The following NME7 variants were observed in gnomAD, a reference collection of about 807,000 sequenced individuals.
The protein encoded by NME7 is nucleoside diphosphate kinase 7.
NME7 carries 41 observed loss-of-function variants against 49.1 expected under a neutral mutation model. The ratio of observed to expected loss-of-function variants is 0.83; its 90% confidence interval spans 0.65 to 1.08. The LOEUF is 1.08. Among genes scored for constraint, NME7 ranks in the 50% least tolerant of loss-of-function variants. The probability of loss-of-function intolerance (pLI) is 0.00; values close to 1 mark genes in which losing one functional copy is unlikely to be tolerated. For missense variants in NME7, 423 were observed against 463.4 expected (o/e 0.91, Z 0.80); for synonymous variants, 139 against 150.6 (o/e 0.92, Z 0.56).
rs1649223897 is a variant in NME7, at chr1:169,263,418, ATC to A, written c.754+23883_754+23884del. On this transcript the variant is annotated intron_variant, in intron 7 of 11. Transcript: ENST00000367811. ...GCTCATATAGAAAATAATACAACCA[ATC>A]TGATAGAGCTGAAAAACACACTACA... Among the ~76,000 whole-genome samples, 2 of 133,834 alleles carry A rather than the reference ATC, an allele frequency of 1.5e-5. 1 individual carries two copies. The highest frequency in any genetic ancestry group is 3.5e-5 in the Non-Finnish European group (2 of 56,952). 87.8% of individuals were successfully genotyped at this position (133,834 alleles called of 152,430 possible). A position where few individuals can be genotyped will look rare whatever the true frequency, so the allele number is the denominator to read the frequency against.
chr1:169,149,567 GAATTTATAAATTATGCACAGTT>G (rs1658851464), intron 11 of NME7, among the ~76,000 whole-genome samples: 1 of 151,998 alleles, frequency 6.6e-6, no homozygotes, highest in Non-Finnish European at 1.5e-5. Context: ...TGATAAAGTT[GAATTTATAAATTATGCACAGTT>G]AAGGGATCAA....
intron 1 of NME7, among the ~76,000 whole-genome samples, chr1:169,364,016 T>C (rs1384451548): frequency 6.6e-6 from 1 of 152,218 alleles, no homozygotes; most frequent in Non-Finnish European, 1.5e-5. Flanking sequence ...CTATTGAAAT[T>C]CTATTCCATT....
In NME7 at chr1:169,254,935, G is replaced by T. The variant is rs1178276983; in HGVS notation, c.755-17248C>A. 5.3e-5 allele frequency among the ~76,000 whole-genome samples: 7 copies of T among 131,946 alleles called. 1 individual carries two copies. Among genetic ancestry groups the T allele is most frequent in the Non-Finnish European group, 1.0e-4 (6 of 57,950 alleles). The allele number at this position is 131,946 out of a possible 152,430, so 86.6% of individuals were successfully genotyped here. On this transcript the variant is annotated intron_variant, in intron 7 of 11. Coordinates refer to ENST00000367811, the MANE Select transcript of NME7 (RefSeq NM_013330.5). ...TGCACTGTGGTGTGAGAGATAGTTT[G>T]TTATAATTTCTGTTCTTTTACATTT...
At chr1:169,206,111 C>A (rs1660667866) in intron 10 of NME7, among the ~76,000 whole-genome samples, 1 of 152,182 alleles carries the variant, frequency 6.6e-6, no homozygotes, top group South Asian at 2.1e-4. Flanking sequence ...CCCTCCCCTG[C>A]TTTATTTTCC....
chr1:169,244,041 A>G (rs1437286149), intron 7 of NME7, among the ~76,000 whole-genome samples: 1 of 152,126 alleles, frequency 6.6e-6, no homozygotes, highest in African/African-American at 2.4e-5. Context: ...TAATTTATGT[A>G]TATGCAAAAA....
chr1:169,235,148 C>T lies in NME7; in HGVS notation c.871G>A (p.Val291Ile), dbSNP rs1647806336. The change falls in exon 9 of 12, where the codon GTA (valine) becomes ATA (isoleucine). Residue 291 changes from valine to isoleucine, a missense_variant. Val to Ile is a conservative substitution (Grantham distance 29, BLOSUM62 3). Coordinates refer to ENST00000367811, the MANE Select transcript of NME7 (RefSeq NM_013330.5). The part of the protein sequence containing the change: ...VEEFYEVYKG[V>I]VTEYHDMVTE... ...ATACTTACATGATATTCGGTCACTACTCCTTTATAAACTTCATAGAATTCC... is the reference window on the plus strand; with the variant it reads ...ATACTTACATGATATTCGGTCACTATTCCTTTATAAACTTCATAGAATTCC... The T allele has an allele frequency of 1.3e-6, 2 of 1,531,198 alleles. No individual in the cohort carries two copies. The highest frequency in any genetic ancestry group is 9.0e-7 in the Non-Finnish European group (1 of 1,115,502). 94.9% of individuals were successfully genotyped at this position (1,531,198 alleles called of 1,614,324 possible). A position where few individuals can be genotyped will look rare whatever the true frequency, so the allele number is the denominator to read the frequency against.
chr1:169,288,688 A>T (rs889653310), intron 6 of NME7, among the ~76,000 whole-genome samples: 4 of 152,236 alleles, frequency 2.6e-5, no homozygotes, highest in African/African-American at 9.6e-5. Context: ...GTGGTAAGAC[A>T]CTAGAATAAA....
intron 1 of NME7, among the ~76,000 whole-genome samples, chr1:169,346,317 T>C (rs1050827091): frequency 6.6e-6 from 1 of 152,310 alleles, no homozygotes; most frequent in Admixed American, 6.5e-5. Flanking sequence ...CCTCCAGTGA[T>C]CCGTCTGACT....
At chr1:169,252,508 G>A (rs1158506462) in intron 7 of NME7, among the ~76,000 whole-genome samples, 1 of 151,756 alleles carries the variant, frequency 6.6e-6, no homozygotes, top group African/African-American at 2.4e-5. Flanking sequence ...CCATTTTGTA[G>A]GTTGCCTGTT....
intron 11 of NME7, among the ~76,000 whole-genome samples, chr1:169,148,490 GA>G (rs34089647): frequency 0.39 from 59,912 of 151,912 alleles, 12,149 homozygotes; most frequent in East Asian, 0.73. Context: ...GCCAAAGTGG[GA>G]GTAGCTGTAA....
intron 11 of NME7, among the ~76,000 whole-genome samples, chr1:169,145,310 C>G (rs1048866104): frequency 6.6e-6 from 1 of 152,136 alleles, no homozygotes; most frequent in Admixed American, 6.6e-5. Context: ...GAAGAATTAC[C>G]ATTCATTACA....
chr1:169,227,520 A>C (rs183812332), intron 10 of NME7, among the ~76,000 whole-genome samples: 11 of 152,350 alleles, frequency 7.2e-5, no homozygotes, highest in Admixed American at 5.9e-4. Flanking sequence ...TTCTGTAAGA[A>C]ATAACTAAGT....
intron 7 of NME7, among the ~76,000 whole-genome samples, chr1:169,256,164 A>T (rs1370297669): frequency 7.5e-6 from 1 of 133,364 alleles, no homozygotes; most frequent in Admixed American, 7.3e-5. Context: ...AGTGTTTTCC[A>T]ACTTGGTTCC....
intron 3 of NME7, among the ~76,000 whole-genome samples, chr1:169,321,731 T>C (rs904673097): frequency 9.9e-5 from 15 of 152,172 alleles, no homozygotes; most frequent in African/African-American, 3.6e-4. Flanking sequence ...AGAAAGACTA[T>C]GGAAGTCACA....
intron 10 of NME7, among the ~76,000 whole-genome samples, chr1:169,216,953 T>C (rs113368703): frequency 1.3e-5 from 2 of 152,318 alleles, no homozygotes; most frequent in South Asian, 2.1e-4. Context: ...CTCTTCAATG[T>C]CCTCACCACA....
intron 1 of NME7, among the ~76,000 whole-genome samples, chr1:169,363,808 C>T (rs1001386401): frequency 1.3e-5 from 2 of 152,178 alleles, no homozygotes; most frequent in African/African-American, 4.8e-5. Flanking sequence ...CACAGAGAGG[C>T]CTTCATTGAC....
At position 169,237,653 on chromosome 1, in the gene NME7, A is replaced by G. The variant is rs746244493; in HGVS notation, c.789T>C (p.Asp263=). ...LLGKILMAIR[D]AGFEISAMQM... is the part of the protein sequence containing the mutation. ...GCATAGCTGAGATTTCAAAACCTGC[A>G]TCTCGGATAGCCATCAGGATCTTTC... is the stretch of plus-strand genomic sequence containing the variant. Residue 263 remains aspartate (D), a synonymous_variant, in exon 8 of 12, where the codon GAT becomes GAC. Coordinates refer to ENST00000367811, the MANE Select transcript of NME7 (RefSeq NM_013330.5). The G allele has an allele frequency of 9.3e-6, 15 of 1,611,500 alleles. No homozygotes were observed. Among genetic ancestry groups the G allele is most frequent in the Non-Finnish European group, 1.1e-5 (13 of 1,178,238 alleles).
At chr1:169,322,985 G>A in intron 3 of NME7, 132 bp downstream of exon 3, 1 of 643,838 alleles carries the variant, frequency 1.6e-6, no homozygotes. Context: ...TTGAAAAAAA[G>A]AAAAAGAATG....
intron 10 of NME7, among the ~76,000 whole-genome samples, chr1:169,175,545 G>A (rs987105495): frequency 4.6e-5 from 7 of 152,052 alleles, no homozygotes; most frequent in African/African-American, 7.3e-5. Context: ...CCACAAACAC[G>A]TGAGTAATGC....
Sources: allele counts gnomAD v4.1 joint callset (sites outside exome capture counted in the v4.1 genomes callset), GRCh38; gene constraint gnomAD v4.1.1; transcripts MANE v1.5; gene names NCBI Gene and HGNC (gene_info 2026-07-23, HGNC 2026-07-21).